SPMIP1: variants seen among roughly 807,000 people sequenced by gnomAD.
The protein encoded by SPMIP1 is protein SPMIP1.
At chr7:128,869,090 G>A in the SPMIP1 span, 3 of 398,118 alleles carry the variant, frequency 7.5e-6, no homozygotes, top group Non-Finnish European at 4.4e-6. Context: ...TGGGGAGAGA[G>A]CGGCTTGTCA....
the SPMIP1 span, chr7:128,866,494 T>C: frequency 5.4e-5 from 83 of 1,535,886 alleles, no homozygotes; most frequent in Non-Finnish European, 6.9e-5. Flanking sequence ...GCGCTGTGAA[T>C]GGTACCGCAA....
chr7:128,867,570 T>C, the SPMIP1 span, among the ~76,000 whole-genome samples: 2 of 149,656 alleles, frequency 1.3e-5, no homozygotes, highest in Admixed American at 6.6e-5. Context: ...TATAGGTGCT[T>C]TTTTTTTTTC....
At chr7:128,867,232 C>CTGT in the SPMIP1 span, among the ~76,000 whole-genome samples, 5 of 152,200 alleles carry the variant, frequency 3.3e-5, no homozygotes, top group Admixed American at 6.5e-5. Context: ...AGTTGGGCAT[C>CTGT]TGTTTGGTTA....
the SPMIP1 span, chr7:128,868,596 G>C: frequency 1.0e-6 from 1 of 974,182 alleles, no homozygotes. Context: ...TGTGCAGACA[G>C]ACAGGGCTCC....
chr7:128,868,921 G>C, the SPMIP1 span: 1 of 579,078 alleles, frequency 1.7e-6, no homozygotes, highest in Non-Finnish European at 3.1e-6. Context: ...AGACCTGCAA[G>C]TTGCCCTCTT....
At chr7:128,872,042 A>G in the SPMIP1 span, 1 of 152,322 alleles carries the variant, frequency 6.6e-6, no homozygotes, top group South Asian at 2.1e-4. Flanking sequence ...ATTATTTAAC[A>G]AACAATTTGA....
At chr7:128,868,846 T>A in the SPMIP1 span, 1 of 1,002,102 alleles carries the variant, frequency 1.0e-6, no homozygotes, top group Non-Finnish European at 1.5e-6. Context: ...AAAGCTGCTG[T>A]GTGTGTCTGT....
chr7:128,868,330 G>A, the SPMIP1 span, among the ~76,000 whole-genome samples: 1 of 152,244 alleles, frequency 6.6e-6, no homozygotes, highest in Non-Finnish European at 1.5e-5. Context: ...AACAAAAGCA[G>A]GAGGCGAGCC....
the SPMIP1 span, chr7:128,866,676 C>G: frequency 2.8e-6 from 4 of 1,451,976 alleles, no homozygotes; most frequent in East Asian, 5.7e-5. Context: ...CGGAAATGTA[C>G]CCGGTACCAC....
chr7:128,872,027 GATCTA>G, the SPMIP1 span: 1 of 152,202 alleles, frequency 6.6e-6, no homozygotes, highest in Non-Finnish European at 1.5e-5. Flanking sequence ...GGCTTTGCTA[GATCTA>G]TTATTTAACA....
chr7:128,871,823 C>A, the SPMIP1 span: 1 of 152,234 alleles, frequency 6.6e-6, no homozygotes, highest in African/African-American at 2.4e-5. Context: ...CAAAAACAAT[C>A]TCCAACCTCC....
At chr7:128,872,045 C>T in the SPMIP1 span, 1 of 152,208 alleles carries the variant, frequency 6.6e-6, no homozygotes, top group Admixed American at 6.5e-5. Context: ...ATTTAACAAA[C>T]AATTTGAGAG....
the SPMIP1 span, chr7:128,868,597 AC>A: frequency 1.0e-6 from 1 of 974,242 alleles, no homozygotes; most frequent in Non-Finnish European, 1.5e-6. Context: ...GTGCAGACAG[AC>A]AGGGCTCCCA....
At chr7:128,870,291 T>G in the SPMIP1 span, 1 of 151,520 alleles carries the variant, frequency 6.6e-6, no homozygotes, top group East Asian at 2.0e-4. Flanking sequence ...GCTTGTGAGA[T>G]ATTGCCTTCC....
chr7:128,867,625 G>A, the SPMIP1 span, among the ~76,000 whole-genome samples: 1 of 151,890 alleles, frequency 6.6e-6, no homozygotes, highest in Non-Finnish European at 1.5e-5. Flanking sequence ...AGGCTGGAAT[G>A]CAGTGGCACG....
At chr7:128,869,311 T>G in the SPMIP1 span, 1 of 161,016 alleles carries the variant, frequency 6.2e-6, no homozygotes, top group Non-Finnish European at 1.3e-5. Flanking sequence ...GGGCAGCACC[T>G]GGCACACCTG....
At chr7:128,866,501 G>A in the SPMIP1 span, 120 of 1,535,942 alleles carry the variant, frequency 7.8e-5, no homozygotes, top group East Asian at 7.3e-4. Context: ...GAATGGTACC[G>A]CAAGTATGGG....
At chr7:128,866,695 C>G in the SPMIP1 span, 138 of 1,535,942 alleles carry the variant, frequency 9.0e-5, no homozygotes, top group South Asian at 1.2e-3. Context: ...ACCTATCACC[C>G]GAGCCCTGCT....
chr7:128,869,924 A>G, the SPMIP1 span: 1 of 151,990 alleles, frequency 6.6e-6, no homozygotes, highest in Non-Finnish European at 1.5e-5. Flanking sequence ...GGGGCCCCGG[A>G]GAGCCCCGAG....
Sources: allele counts gnomAD v4.1 joint callset (sites outside exome capture counted in the v4.1 genomes callset), GRCh38; gene constraint gnomAD v4.1.1; transcripts MANE v1.5; gene names NCBI Gene and HGNC (gene_info 2026-07-23, HGNC 2026-07-21).